Variants in HSD17B12 observed in about 807,000 individuals in gnomAD.
HSD17B12 encodes hydroxysteroid 17-beta dehydrogenase 12, also known as very-long-chain 3-oxoacyl-CoA reductase.
Under a neutral mutation model 39.3 loss-of-function variants are expected in HSD17B12, and 32 were observed. The ratio of observed to expected loss-of-function variants is 0.81; its 90% CI spans 0.61 to 1.09. The LOEUF is 1.09. Among genes scored for constraint, HSD17B12 ranks in the 50% least tolerant of loss-of-function variants. The pLI is 0.00. For synonymous variants in HSD17B12, 150 were observed against 146.7 expected (o/e 1.02, Z -0.16); for missense variants, 342 against 382.9 (o/e 0.89, Z 0.89).
intron 1 of HSD17B12, among the ~76,000 whole-genome samples, chr11:43,744,506 T>C (rs1474341787): frequency 2.0e-5 from 3 of 152,196 alleles, no homozygotes; most frequent in Non-Finnish European, 4.4e-5. Context: ...CCAGTTAAGC[T>C]ATTATATGTG....
intron 3 of HSD17B12, among the ~76,000 whole-genome samples, chr11:43,760,952 C>A (rs1056897017): frequency 6.6e-6 from 1 of 152,186 alleles, no homozygotes; most frequent in Non-Finnish European, 1.5e-5. Flanking sequence ...ATCCATTTTG[C>A]CTCTACTGGT....
intron 2 of HSD17B12, among the ~76,000 whole-genome samples, chr11:43,751,185 C>T (rs994278406): frequency 3.9e-5 from 6 of 152,048 alleles, no homozygotes; most frequent in African/African-American, 1.4e-4. Flanking sequence ...TCTGGTTGTA[C>T]TGGGTAGTTG....
At chr11:43,761,989 A>G (rs1431184949) in intron 3 of HSD17B12, among the ~76,000 whole-genome samples, 4 of 152,188 alleles carry the variant, frequency 2.6e-5, no homozygotes, top group Non-Finnish European at 5.9e-5. Context: ...GATAGAAGAT[A>G]TTGTTGGAAA....
At chr11:43,673,566 C>T in the HSD17B12 span, among the ~76,000 whole-genome samples, 2 of 139,014 alleles carry the variant, frequency 1.4e-5, no homozygotes, top group Admixed American at 1.7e-4. Context: ...AATCTCAGCT[C>T]ACTGCATCCT....
At chr11:43,788,287 A>C (rs1448353306) in intron 3 of HSD17B12, among the ~76,000 whole-genome samples, 1 of 152,200 alleles carries the variant, frequency 6.6e-6, no homozygotes, top group African/African-American at 2.4e-5. Flanking sequence ...GTTTTACTAA[A>C]AAATAACAGA....
intron 3 of HSD17B12, among the ~76,000 whole-genome samples, chr11:43,766,692 GGCACTTAGTAAGTAT>G (rs1950598709): frequency 6.6e-6 from 1 of 152,088 alleles, no homozygotes; most frequent in Non-Finnish European, 1.5e-5. Flanking sequence ...AATGGGTGTG[GGCACTTAGTAAGTAT>G]TGTTTTGGTG....
chr11:43,748,332 C>G (rs1241518283), intron 1 of HSD17B12, among the ~76,000 whole-genome samples: 1 of 152,026 alleles, frequency 6.6e-6, no homozygotes, highest in African/African-American at 2.4e-5. Flanking sequence ...AAATTAGAGG[C>G]CATAATCTTA....
At chr11:43,782,155 A>G (rs1166639677) in intron 3 of HSD17B12, among the ~76,000 whole-genome samples, 1 of 152,214 alleles carries the variant, frequency 6.6e-6, no homozygotes, top group Non-Finnish European at 1.5e-5. Flanking sequence ...CAAAGCTCAC[A>G]TATTTATTTA....
At chr11:43,602,488 G>A in the HSD17B12 span, among the ~76,000 whole-genome samples, 1 of 151,902 alleles carries the variant, frequency 6.6e-6, no homozygotes, top group Non-Finnish European at 1.5e-5. Flanking sequence ...ACAATAATTT[G>A]AGTAAGAATG....
intron 1 of HSD17B12, among the ~76,000 whole-genome samples, chr11:43,712,591 C>T (rs1010831317): frequency 2.0e-5 from 3 of 152,122 alleles, no homozygotes; most frequent in South Asian, 2.1e-4. Context: ...TTTTCCTGCC[C>T]TTCCAGATCT....
chr11:43,734,380 C>A (rs545195281), intron 1 of HSD17B12: 9 of 854,024 alleles, frequency 1.1e-5, no homozygotes, highest in Non-Finnish European at 1.4e-5. Context: ...AAAAGGCGGC[C>A]ATCATCTCTG....
At chr11:43,608,717 T>C in the HSD17B12 span, among the ~76,000 whole-genome samples, 1 of 152,252 alleles carries the variant, frequency 6.6e-6, no homozygotes, top group African/African-American at 2.4e-5. Context: ...TTGTAGGTAA[T>C]GCAGCAATAA....
chr11:43,642,656 G>A, the HSD17B12 span, among the ~76,000 whole-genome samples: 2 of 151,722 alleles, frequency 1.3e-5, no homozygotes, highest in Admixed American at 1.3e-4. Flanking sequence ...TTAAAAAAGA[G>A]AGGGGAAAAA....
upstream of HSD17B12, among the ~76,000 whole-genome samples, chr11:43,676,421 AG>A (rs1271007308): frequency 6.6e-6 from 1 of 152,198 alleles, no homozygotes; most frequent in Admixed American, 6.5e-5. Context: ...TTTAAAACCA[AG>A]GGACTGGATA....
At chr11:43,693,779 C>G (rs1454899422) in intron 1 of HSD17B12, among the ~76,000 whole-genome samples, 2 of 152,210 alleles carry the variant, frequency 1.3e-5, no homozygotes, top group Non-Finnish European at 2.9e-5. Context: ...CTGGCATTAA[C>G]TGCTCATAAC....
chr11:43,593,050 C>T, the HSD17B12 span, among the ~76,000 whole-genome samples: 232 of 152,226 alleles, frequency 1.5e-3, no homozygotes, highest in Non-Finnish European at 2.8e-3. Context: ...CATGAAAATG[C>T]CGAAATTGTA....
chr11:43,720,016 G>A (rs1950162240), intron 1 of HSD17B12, among the ~76,000 whole-genome samples: 3 of 152,122 alleles, frequency 2.0e-5, no homozygotes, highest in Admixed American at 2.0e-4. Flanking sequence ...TTTACTTTGG[G>A]TCTGCCTATT....
At chr11:43,698,645 T>A (rs1949934643) in intron 1 of HSD17B12, among the ~76,000 whole-genome samples, 1 of 152,190 alleles carries the variant, frequency 6.6e-6, no homozygotes, top group Non-Finnish European at 1.5e-5. Context: ...TCTGTTTTTT[T>A]CCATCTATCA....
intron 1 of HSD17B12, among the ~76,000 whole-genome samples, chr11:43,732,101 C>T (rs556807502): frequency 6.6e-6 from 1 of 152,204 alleles, no homozygotes; most frequent in South Asian, 2.1e-4. Context: ...GGGGTGGTTA[C>T]CTCCATGCTG....
Sources: gnomAD v4.1 joint callset for allele counts (sites outside exome capture counted in the v4.1 genomes callset) on GRCh38, gnomAD v4.1.1 for gene constraint, MANE v1.5 for transcripts, NCBI Gene and HGNC (gene_info 2026-07-23, HGNC 2026-07-21) for gene names.